The following PUDP variants were observed in gnomAD, a reference collection of about 807,000 sequenced individuals.
PUDP encodes pseudouridine 5'-phosphatase.
A neutral mutation model predicts 9.4 loss-of-function variants in PUDP; 8 were observed. The ratio of observed to expected loss-of-function variants is 0.85; its 90% CI spans 0.50 to 1.53. The LOEUF (loss-of-function observed/expected upper bound fraction) is 1.53. Ranked by LOEUF, PUDP falls within the 40% of genes most tolerant of loss-of-function variation. The pLI, the probability that PUDP is intolerant of heterozygous loss-of-function variation, is 0.00. For synonymous variants in PUDP, 99 were observed against 80.7 expected, an observed-to-expected ratio of 1.23 and a Z score of -1.22; for missense variants, 188 against 189.7, an observed-to-expected ratio of 0.99 and a Z score of 0.05.
chrX:6,766,008 C>T, intron 3 of PUDP, among the ~76,000 whole-genome samples: 1 of 111,456 alleles, frequency 9.0e-6, no homozygotes, highest in Non-Finnish European at 1.9e-5. Flanking sequence ...CAACACCTTA[C>T]CTCTAGGGAA....
intron 3 of PUDP, among the ~76,000 whole-genome samples, chrX:6,819,995 A>G (rs770626271): frequency 2.2e-4 from 23 of 104,129 alleles, no homozygotes; most frequent in Non-Finnish European, 3.3e-4. Context: ...TTTTCGCCAT[A>G]AATTTTTCTT....
chrX:6,781,908 T>C (rs1225511256), intron 3 of PUDP, among the ~76,000 whole-genome samples: 1 of 112,455 alleles, frequency 8.9e-6, no homozygotes, highest in Non-Finnish European at 1.9e-5. Flanking sequence ...GGTGGTTATG[T>C]ACCTGAGCAG....
intron 3 of PUDP, among the ~76,000 whole-genome samples, chrX:7,069,390 C>T (rs889533943): frequency 9.0e-6 from 1 of 111,054 alleles, no homozygotes; most frequent in South Asian, 3.9e-4. Flanking sequence ...GTTCTGGACA[C>T]GGACGTAAGG....
chrX:6,918,009 T>C (rs997622234), intron 3 of PUDP, among the ~76,000 whole-genome samples: 2 of 112,371 alleles, frequency 1.8e-5, no homozygotes, highest in African/African-American at 3.2e-5. Flanking sequence ...TCACAGCTCT[T>C]CAGCAAAGAC....
chrX:7,125,768 G>A (rs533342796), intron 1 of PUDP, among the ~76,000 whole-genome samples: 3 of 111,618 alleles, frequency 2.7e-5, no homozygotes, highest in Non-Finnish European at 3.8e-5. Context: ...ACGTGACAGC[G>A]AGCTTGTGCA....
chrX:6,836,147 TGTG>T lies in PUDP; in HGVS notation c.*248-129684_*248-129682del, dbSNP rs745770986. Among the ~76,000 whole-genome samples the T allele has an allele frequency of 5.4e-5, 6 of 112,086 alleles. No individual in the cohort carries two copies. In the South Asian group the frequency reaches 2.2e-3, roughly 41 times the overall value. ...TTTGTATTTTATGCATAAGTTCTTT[TGTG>T]TTTTTTATATTTAATATGCACATGC... On this transcript the variant is annotated intron_variant and NMD_transcript_variant, in intron 3 of 3. Coordinates refer to the PUDP transcript ENST00000655425.
At chrX:7,111,258 T>G (rs780150780) in intron 1 of PUDP, among the ~76,000 whole-genome samples, 16 of 110,997 alleles carry the variant, frequency 1.4e-4, no homozygotes, top group Non-Finnish European at 2.8e-4. Context: ...TCAGGGAAGT[T>G]CTTTATAGCA....
At chrX:6,895,947 C>T (rs1472086928) in intron 3 of PUDP, among the ~76,000 whole-genome samples, 2 of 110,550 alleles carry the variant, frequency 1.8e-5, no homozygotes, top group Non-Finnish European at 3.8e-5. Context: ...TTTATAAGGG[C>T]ACTCATACCG....
chrX:7,119,224 T>C (rs1932274090), intron 1 of PUDP, among the ~76,000 whole-genome samples: 1 of 112,586 alleles, frequency 8.9e-6, no homozygotes, highest in Non-Finnish European at 1.9e-5. Flanking sequence ...CATCAAATGA[T>C]GAGAAGTGCA....
intron 3 of PUDP, among the ~76,000 whole-genome samples, chrX:7,067,131 T>C (rs1308850171): frequency 8.9e-6 from 1 of 112,302 alleles, no homozygotes. Context: ...AACTTCATTC[T>C]GTTCTGAGAT....
Position 6,852,394 on chromosome X carries a change from G to T in PUDP, c.*247+124739C>A, listed in dbSNP as rs754348204. The stretch of plus-strand genomic sequence containing the variant: ...GCAGCCAGAGCTGCTGATGGTATTT[G>T]CAGGCTGGCAGGGGTGTTGTCTGCT... On this transcript the variant is annotated intron_variant and NMD_transcript_variant, in intron 3 of 3. Coordinates refer to the PUDP transcript ENST00000655425. Among the ~76,000 whole-genome samples the T allele has an allele frequency of 4.4e-5, 5 of 112,467 alleles. No individual in the cohort carries two copies. The South Asian group carries it at 1.9e-3, about 42-fold the overall frequency.
chrX:6,842,689 C>T (rs72609554), intron 3 of PUDP, among the ~76,000 whole-genome samples: 11,039 of 111,664 alleles, frequency 0.099, 628 homozygotes, highest in East Asian at 0.46. Context: ...ATATATCCAC[C>T]AAGATATCTG....
chrX:6,752,202 G>A (rs1352618304), intron 3 of PUDP, among the ~76,000 whole-genome samples: 1 of 111,343 alleles, frequency 9.0e-6, no homozygotes, highest in African/African-American at 3.3e-5. Context: ...CTTTCTTCCT[G>A]GTTTCCTAAA....
At chrX:7,107,349 G>A (rs899691783) in intron 1 of PUDP, among the ~76,000 whole-genome samples, 1 of 112,210 alleles carries the variant, frequency 8.9e-6, no homozygotes, top group African/African-American at 3.2e-5. Context: ...ATAGTATCTG[G>A]GAGACCCAGG....
At chrX:6,960,362 T>G (rs1007127828) in intron 3 of PUDP, among the ~76,000 whole-genome samples, 1 of 112,125 alleles carries the variant, frequency 8.9e-6, no homozygotes, top group Non-Finnish European at 1.9e-5. Flanking sequence ...AGTGAGTTCC[T>G]TATATAAGGC....
intron 3 of PUDP, among the ~76,000 whole-genome samples, chrX:6,948,781 T>C (rs1197994512): frequency 1.8e-5 from 2 of 112,635 alleles, no homozygotes; most frequent in Non-Finnish European, 3.7e-5. Context: ...ACACAATGAA[T>C]GTCTCTGAAA....
intron 2 of PUDP, among the ~76,000 whole-genome samples, chrX:7,098,108 G>A (rs1194378439): frequency 8.9e-6 from 1 of 112,227 alleles, no homozygotes; most frequent in Non-Finnish European, 1.9e-5. Context: ...TGCCTGCTAG[G>A]AGCCACTCAC....
At chrX:6,769,579 T>C (rs185757839) in intron 3 of PUDP, among the ~76,000 whole-genome samples, 313 of 112,521 alleles carry the variant, frequency 2.8e-3, no homozygotes, top group Non-Finnish European at 4.8e-3. Flanking sequence ...GCTTTTTCTT[T>C]CTTGTTTCCT....
At chrX:6,939,568 C>G (rs1354887957) in intron 3 of PUDP, among the ~76,000 whole-genome samples, 1 of 109,630 alleles carries the variant, frequency 9.1e-6, no homozygotes, top group Non-Finnish European at 1.9e-5. Context: ...ATGAAAAAAA[C>G]TCAAGAATTC....
Sources: gnomAD v4.1 joint callset for allele counts (sites outside exome capture counted in the v4.1 genomes callset) on GRCh38, gnomAD v4.1.1 for gene constraint, MANE v1.5 for transcripts, NCBI Gene and HGNC (gene_info 2026-07-23, HGNC 2026-07-21) for gene names.